The following SLC39A14 variants were observed in gnomAD, a reference collection of about 807,000 sequenced individuals.
SLC39A14 encodes metal cation symporter ZIP14.
In SLC39A14, 19 loss-of-function variants were observed where a neutral mutation model predicts 45.5. That is an observed-to-expected ratio of 0.42 (90% CI 0.29 to 0.61). The LOEUF (loss-of-function observed/expected upper bound fraction) is 0.61, where lower values mean the gene tolerates loss of function less well. Ranked by LOEUF, SLC39A14 falls within the 20% of genes least tolerant of loss-of-function variation. SLC39A14 has a pLI of 0.22. For synonymous variants in SLC39A14, 264 were observed against 251.3 expected (o/e 1.05, Z -0.48); for missense variants, 447 against 616.5 (o/e 0.73, Z 2.91).
At chr8:22,425,262 T>C (rs1836364974), downstream of SLC39A14, among the ~76,000 whole-genome samples, 1 of 152,204 alleles carries the variant, frequency 6.6e-6, no homozygotes, top group Non-Finnish European at 1.5e-5. Context: ...ATTAAGTAGA[T>C]TAAAACCGTG....
intron 8 of SLC39A14, among the ~76,000 whole-genome samples, chr8:22,429,765 C>G (rs753692247): frequency 1.4e-4 from 21 of 152,182 alleles, no homozygotes; most frequent in Non-Finnish European, 2.9e-4. Flanking sequence ...CCAAGCTTGG[C>G]ATGACATAGC....
intron 1 of SLC39A14, among the ~76,000 whole-genome samples, chr8:22,397,934 T>C (rs1394467551): frequency 6.6e-6 from 1 of 152,184 alleles, no homozygotes; most frequent in Non-Finnish European, 1.5e-5. Context: ...TACTGTCTTG[T>C]GGACGGTCAT....
chr8:22,398,184 C>G (rs898015992), intron 1 of SLC39A14: 4 of 152,250 alleles, frequency 2.6e-5, no homozygotes, highest in Non-Finnish European at 5.9e-5. Flanking sequence ...CCCTGCAACC[C>G]TGTGGTCTTT....
At chr8:22,429,500 A>G (rs1586763738) in intron 8 of SLC39A14, among the ~76,000 whole-genome samples, 2 of 152,272 alleles carry the variant, frequency 1.3e-5, no homozygotes, top group East Asian at 3.8e-4. Context: ...GCTCTGTACT[A>G]GTAGTAATTA....
At chr8:22,417,444 T>A (rs1047385603) in intron 7 of SLC39A14, among the ~76,000 whole-genome samples, 3 of 152,160 alleles carry the variant, frequency 2.0e-5, no homozygotes. Flanking sequence ...CCCACACTTT[T>A]AGCAGTCTGA....
At chr8:22,430,241 A>AT (rs1045995894) in intron 8 of SLC39A14, among the ~76,000 whole-genome samples, 5 of 151,338 alleles carry the variant, frequency 3.3e-5, no homozygotes, top group Admixed American at 1.3e-4. Flanking sequence ...GGCTAATTTA[A>AT]TTTTTTTTTA....
In SLC39A14 at chr8:22,421,269, C is replaced by A; in HGVS notation, c.*1571C>A. On this transcript the variant is annotated 3_prime_UTR_variant, in exon 9 of 9. Transcript: ENST00000381237. ...TTCTCTTACATAGAAAAACTGTCCG[C>A]TCTCAGTAATCACAAGCAGCATCCG... 1.0e-6 allele frequency: 1 copy of A among 985,832 alleles called. No individual in the cohort carries two copies. Among genetic ancestry groups the A allele is most frequent in the Non-Finnish European group, 1.2e-6 (1 of 829,934 alleles). 61.1% of individuals were successfully genotyped at this position (985,832 alleles called of 1,614,324 possible).
intron 1 of SLC39A14, among the ~76,000 whole-genome samples, chr8:22,381,487 G>A (rs914180489): frequency 6.6e-6 from 1 of 151,354 alleles, no homozygotes; most frequent in Non-Finnish European, 1.5e-5. Context: ...AGACAGGATG[G>A]TCTCGATCTC....
At chr8:22,374,881 G>A (rs1418092625) in intron 1 of SLC39A14, among the ~76,000 whole-genome samples, 2 of 151,864 alleles carry the variant, frequency 1.3e-5, no homozygotes, top group Admixed American at 6.6e-5. Flanking sequence ...AGGTAGCTGG[G>A]ACTCCAGGTG....
intron 1 of SLC39A14, among the ~76,000 whole-genome samples, chr8:22,380,924 C>G (rs535006268): frequency 6.6e-6 from 1 of 152,078 alleles, no homozygotes; most frequent in Non-Finnish European, 1.5e-5. Flanking sequence ...CAATCCACCC[C>G]CTTGGCCTCC....
At chr8:22,374,769 A>C in intron 1 of SLC39A14, among the ~76,000 whole-genome samples, 1 of 117,424 alleles carries the variant, frequency 8.5e-6, no homozygotes, top group African/African-American at 3.6e-5. Context: ...TTTTTGAGAC[A>C]GGGTCTCACT....
chr8:22,424,007 G>A (rs1302813412), downstream of SLC39A14, among the ~76,000 whole-genome samples: 1 of 149,866 alleles, frequency 6.7e-6, no homozygotes, highest in Non-Finnish European at 1.5e-5. Context: ...GAAACATCTT[G>A]CTACGTTGCC....
At chr8:22,393,685 T>G (rs1300685490) in intron 1 of SLC39A14, among the ~76,000 whole-genome samples, 2 of 152,140 alleles carry the variant, frequency 1.3e-5, no homozygotes, top group African/African-American at 4.8e-5. Flanking sequence ...TTTTGATGAT[T>G]TTTTGAGACA....
At chr8:22,423,812 C>CTCTCT (rs1554523073), downstream of SLC39A14, among the ~76,000 whole-genome samples, 20 of 138,876 alleles carry the variant, frequency 1.4e-4, no homozygotes, top group South Asian at 4.3e-4. Context: ...CTCTCTCTCT[C>CTCTCT]ATCTATCTTC....
In SLC39A14 at chr8:22,367,545, C is replaced by G. The variant is rs1035456903; in HGVS notation, c.-16+137C>G. On this transcript the variant is annotated intron_variant, in intron 1 of 8. Transcript: ENST00000381237. The surrounding 1 kb of genome is among the most constrained non-coding windows in gnomAD (Gnocchi z 4.2). ...CCGCTCCCGGGCACCGGCACACGCCCGGACGGCTGGGTGGAGGCTGCACCT... is the reference window on the plus strand; with the variant it reads ...CCGCTCCCGGGCACCGGCACACGCCGGGACGGCTGGGTGGAGGCTGCACCT... The G allele has an allele frequency of 6.6e-6, 1 of 152,488 alleles. No homozygotes were observed. Among genetic ancestry groups the G allele is most frequent in the Non-Finnish European group, 1.5e-5 (1 of 68,314 alleles). The allele number at this position is 152,488 out of a possible 1,614,324, so 9.4% of individuals were successfully genotyped here. A position where few individuals can be genotyped will look rare whatever the true frequency, so the allele number is the denominator to read the frequency against.
At chr8:22,433,958 C>T (rs1453119032) in exon 9 of SLC39A14, 4 of 437,940 alleles carry the variant, frequency 9.1e-6, no homozygotes, top group African/African-American at 4.1e-5. Context: ...CAACCTCTGC[C>T]GCTTGGGTTG....
chr8:22,368,214 C>T (rs186225490), intron 1 of SLC39A14, among the ~76,000 whole-genome samples: 15 of 152,134 alleles, frequency 9.9e-5, no homozygotes, highest in Non-Finnish European at 1.9e-4. Flanking sequence ...TCTTGTGGCC[C>T]GAATGGAAGC....
chr8:22,393,113 G>A (rs1834172471), intron 1 of SLC39A14: 1 of 689,066 alleles, frequency 1.5e-6, no homozygotes, highest in East Asian at 1.3e-4. Context: ...AGTGGGCTCC[G>A]CTGGCCGCCC....
intron 1 of SLC39A14, among the ~76,000 whole-genome samples, chr8:22,373,206 T>A (rs1449231238): frequency 6.7e-6 from 1 of 150,182 alleles, no homozygotes; most frequent in Non-Finnish European, 1.5e-5. Context: ...GAGGTTGCAG[T>A]GAGCCAAGAT....
Sources: allele counts gnomAD v4.1 joint callset (sites outside exome capture counted in the v4.1 genomes callset), GRCh38; gene constraint gnomAD v4.1.1; non-coding constraint Gnocchi (gnomAD v3.1); transcripts MANE v1.5; gene names NCBI Gene and HGNC (gene_info 2026-07-23, HGNC 2026-07-21).